RBFOX1: variants seen among roughly 807,000 people sequenced by gnomAD.
RBFOX1 encodes RNA binding protein fox-1 homolog 1.
RBFOX1 carries 8 observed loss-of-function variants against 57.7 expected under a neutral mutation model. That is an observed-to-expected ratio of 0.14 (90% confidence interval 0.08 to 0.25). The LOEUF (loss-of-function observed/expected upper bound fraction) is 0.25, where lower values mean the gene tolerates loss of function less well. Ranked by LOEUF, RBFOX1 falls within the 10% of genes least tolerant of loss-of-function variation. The pLI, the probability that RBFOX1 is intolerant of heterozygous loss-of-function variation, is 1.00. For missense variants in RBFOX1, 611 were observed against 548.5 expected (o/e 1.11, Z -1.14); for synonymous variants, 326 against 222.4 (o/e 1.47, Z -4.15).
chr16:7,000,592 C>G (rs61244180), intron 3 of RBFOX1, among the ~76,000 whole-genome samples: 1 of 84,054 alleles, frequency 1.2e-5, no homozygotes, highest in African/African-American at 4.2e-5. Flanking sequence ...CTTTCTTTTT[C>G]TTTCTTTTTT....
chr16:6,501,024 G>T (rs1215367380), intron 2 of RBFOX1, among the ~76,000 whole-genome samples: 2 of 151,698 alleles, frequency 1.3e-5, no homozygotes, highest in African/African-American at 4.8e-5. Context: ...TACTTCAGCA[G>T]GGTAGGATGG....
intron 3 of RBFOX1, among the ~76,000 whole-genome samples, chr16:6,864,021 G>A (rs1327908236): frequency 7.9e-6 from 1 of 126,578 alleles, no homozygotes; most frequent in African/African-American, 3.0e-5. Context: ...ATTATGCCTT[G>A]CAAAACCTCT....
chr16:6,057,825 GTTTTTTTTT>G, intron 1 of RBFOX1, among the ~76,000 whole-genome samples: 1 of 81,100 alleles, frequency 1.2e-5, no homozygotes, highest in East Asian at 3.7e-4. Flanking sequence ...TTTGCTATGG[GTTTTTTTTT>G]TTTTTTTTTT....
In RBFOX1 at chr16:5,485,084, C is replaced by T. The variant is rs984389064; in HGVS notation, c.258+17830C>T. Among the ~76,000 whole-genome samples the T allele has an allele frequency of 2.0e-4, 31 of 151,818 alleles. 1 individual carries two copies. The highest frequency in any genetic ancestry group is 5.3e-4 in the African/African-American group (22 of 41,394). ...AGTTAAGGCTGGGCACAGTGGCTCA[C>T]GCCTGTAATCCCAGCACTTTGGGAG... On this transcript the variant is annotated intron_variant, in intron 2 of 2. Transcript: ENST00000585867.
chr16:7,613,651 G>T (rs1273651804), intron 10 of RBFOX1, among the ~76,000 whole-genome samples: 1 of 152,046 alleles, frequency 6.6e-6, no homozygotes, highest in African/African-American at 2.4e-5. Context: ...TTTTCTGTGG[G>T]CTAGAGTGAA....
At chr16:6,793,966 C>T (rs1031348616) in intron 3 of RBFOX1, among the ~76,000 whole-genome samples, 2 of 152,066 alleles carry the variant, frequency 1.3e-5, no homozygotes, top group African/African-American at 2.4e-5. Context: ...GGTGGTAATA[C>T]AGCAAGTGGT....
At chr16:5,833,782 G>A (rs1386064027) in intron 3 of RBFOX1, among the ~76,000 whole-genome samples, 1 of 149,496 alleles carries the variant, frequency 6.7e-6, no homozygotes. Flanking sequence ...TTTCTACTTA[G>A]TTAGCCCTTT....
At chr16:6,929,063 C>T (rs1353014781) in intron 3 of RBFOX1, among the ~76,000 whole-genome samples, 1 of 152,156 alleles carries the variant, frequency 6.6e-6, no homozygotes, top group Admixed American at 6.5e-5. Flanking sequence ...GCCAGGAAAA[C>T]ACCATGCTTG....
chr16:5,479,971 C>T (rs528891038), intron 2 of RBFOX1, among the ~76,000 whole-genome samples: 1 of 152,224 alleles, frequency 6.6e-6, no homozygotes, highest in East Asian at 1.9e-4. Context: ...CCAGCCCAGC[C>T]CACAGGAGGT....
chr16:5,919,836 G>C (rs1256973691), intron 4 of RBFOX1, among the ~76,000 whole-genome samples: 1 of 152,070 alleles, frequency 6.6e-6, no homozygotes, highest in African/African-American at 2.4e-5. Flanking sequence ...ACTTTGCTGG[G>C]TATTTCCTAT....
chr16:7,108,367 T>A (rs2063994491), intron 4 of RBFOX1, among the ~76,000 whole-genome samples: 2 of 152,206 alleles, frequency 1.3e-5, no homozygotes. Context: ...GCTTCCTGAA[T>A]AATTTGAAAA....
At chr16:6,770,703 G>A (rs1202593563) in intron 3 of RBFOX1, among the ~76,000 whole-genome samples, 1 of 152,168 alleles carries the variant, frequency 6.6e-6, no homozygotes, top group Non-Finnish European at 1.5e-5. Flanking sequence ...CTGGGAGGCA[G>A]ATGCAGATGA....
chr16:6,215,702 C>T (rs757694683), intron 1 of RBFOX1, among the ~76,000 whole-genome samples: 27 of 152,062 alleles, frequency 1.8e-4, no homozygotes, highest in Admixed American at 3.3e-4. Flanking sequence ...ATTGTTTATC[C>T]TGGGTGATGA....
intron 4 of RBFOX1, among the ~76,000 whole-genome samples, chr16:7,292,185 TGATATAGAA>T (rs1332934821): frequency 8.9e-5 from 11 of 123,558 alleles, no homozygotes; most frequent in Admixed American, 5.6e-4. Flanking sequence ...ATATCATATA[TGATATAGAA>T]CGTATTATAT....
chr16:6,594,023 A>G (rs947555034), intron 2 of RBFOX1, among the ~76,000 whole-genome samples: 11 of 152,206 alleles, frequency 7.2e-5, no homozygotes, highest in South Asian at 2.1e-4. Context: ...CTTGGACTGA[A>G]TATTTATTAA....
intron 3 of RBFOX1, among the ~76,000 whole-genome samples, chr16:6,879,490 C>A (rs934618820): frequency 2.0e-5 from 3 of 152,028 alleles, no homozygotes; most frequent in Admixed American, 6.6e-5. Context: ...CCATCATGAC[C>A]TTAATTGCAA....
chr16:7,604,531 G>T (rs1471081135), intron 9 of RBFOX1, among the ~76,000 whole-genome samples: 1 of 152,172 alleles, frequency 6.6e-6, no homozygotes, highest in Non-Finnish European at 1.5e-5. Context: ...AGATTGCCAT[G>T]TGCAGACTTG....
intron 4 of RBFOX1, among the ~76,000 whole-genome samples, chr16:7,195,137 T>C (rs1467423400): frequency 6.6e-6 from 1 of 152,174 alleles, no homozygotes; most frequent in Non-Finnish European, 1.5e-5. Flanking sequence ...CTTCACCATG[T>C]TTTGTGCCTC....
At chr16:6,541,429 A>C (rs2096816753) in intron 2 of RBFOX1, among the ~76,000 whole-genome samples, 1 of 152,228 alleles carries the variant, frequency 6.6e-6, no homozygotes, top group African/African-American at 2.4e-5. Context: ...GCTCACATGG[A>C]GTTGGTCACA....
Sources: gnomAD v4.1 joint callset for allele counts (sites outside exome capture counted in the v4.1 genomes callset) on GRCh38, gnomAD v4.1.1 for gene constraint, MANE v1.5 for transcripts, NCBI Gene and HGNC (gene_info 2026-07-23, HGNC 2026-07-21) for gene names.